Variants in ARID2 observed in about 807,000 individuals in gnomAD.
ARID2 encodes AT-rich interaction domain 2, also known as AT-rich interactive domain-containing protein 2.
ARID2 carries 32 observed loss-of-function variants against 184.6 expected under a neutral mutation model. The observed-to-expected ratio is 0.17, with a 90% confidence interval of 0.13 to 0.23. ARID2 has a LOEUF of 0.23. ARID2 is among the 10% of genes least tolerant of loss of function. The probability of loss-of-function intolerance (pLI) is 1.00; values close to 1 mark genes in which losing one functional copy is unlikely to be tolerated. For synonymous variants in ARID2, 836 were observed against 772.6 expected, an observed-to-expected ratio of 1.08 and a Z score of -1.36; for missense variants, 1,696 against 2,197.6, an observed-to-expected ratio of 0.77 and a Z score of 4.56.
intron 11 of ARID2, chr12:45,846,021 G>T (rs749273469): frequency 2.0e-5 from 3 of 152,020 alleles, no homozygotes; most frequent in Non-Finnish European, 4.4e-5. Flanking sequence ...AGAAGAAAAG[G>T]TAACATACAT....
At chr12:45,867,813 ACTC>A (rs1323639094) in intron 16 of ARID2, among the ~76,000 whole-genome samples, 1 of 151,104 alleles carries the variant, frequency 6.6e-6, no homozygotes, top group Non-Finnish European at 1.5e-5. Flanking sequence ...CTGGTCTTGA[ACTC>A]CTGGTCTCAA....
chr12:45,765,229 A>G (rs944995148), intron 3 of ARID2, among the ~76,000 whole-genome samples: 3 of 151,474 alleles, frequency 2.0e-5, no homozygotes, highest in African/African-American at 7.3e-5. Context: ...TTTTTTTGAG[A>G]CAAGGTCTCT....
chr12:45,814,993 T>G (rs1453305514), intron 4 of ARID2, among the ~76,000 whole-genome samples: 6 of 152,228 alleles, frequency 3.9e-5, no homozygotes, highest in African/African-American at 1.4e-4. Flanking sequence ...ATAATTGTTA[T>G]GTTTATCTTA....
rs188370399 is a variant in ARID2, at chr12:45,902,940, G to A, written c.5364-1994G>A. On this transcript the variant is annotated intron_variant, in intron 20 of 20. Coordinates refer to ENST00000334344, the MANE Select transcript of ARID2 (RefSeq NM_152641.4). ...AAAATCATAAAGATTTTATAAAACA[G>A]AAGTGTAAAGTTCAGTGAATTATCA... 2.0e-3 allele frequency among the ~76,000 whole-genome samples: 305 copies of A among 152,190 alleles called. 3 individuals are homozygous for A. The highest frequency in any genetic ancestry group is 6.8e-3 in the African/African-American group (284 of 41,518).
intron 16 of ARID2, among the ~76,000 whole-genome samples, chr12:45,866,102 A>G (rs1943828311): frequency 6.6e-6 from 1 of 152,030 alleles, no homozygotes; most frequent in African/African-American, 2.4e-5. Flanking sequence ...TTTAAACTAT[A>G]TATACTGATC....
chr12:45,856,992 G>A (rs1233298649), intron 15 of ARID2, among the ~76,000 whole-genome samples: 1 of 151,844 alleles, frequency 6.6e-6, no homozygotes, highest in African/African-American at 2.4e-5. Context: ...TTTGCTAAAT[G>A]GCATACTAAA....
rs2138165283 is a variant in ARID2, at chr12:45,850,805, G to A, written c.2682G>A (p.Gln894=). ...PSPQASRVGF[Q]NIAPKPLPSQ... ...CACAAGCCTCAAGGGTAGGGTTTCA[G>A]AACATTGCACCAAAACCTCTCCCTT... Residue 894 remains glutamine (Q), a synonymous_variant, in exon 15 of 21, where the codon CAG becomes CAA. Coordinates refer to ENST00000334344, the MANE Select transcript of ARID2 (RefSeq NM_152641.4). 6.2e-7 allele frequency: 1 copy of A among 1,614,100 alleles called. No homozygotes were observed. The highest frequency in any genetic ancestry group is 1.7e-5 in the Admixed American group (1 of 59,998).
intron 4 of ARID2, 35 bp downstream of exon 4, chr12:45,811,586 C>T (rs775400570): frequency 8.1e-6 from 13 of 1,599,648 alleles, no homozygotes; most frequent in Admixed American, 6.8e-5. Context: ...GATATATGTC[C>T]GCAGTTTTGA....
Position 45,852,740 on chromosome 12 carries a change from T to C in ARID2, c.4617T>C (p.Val1539=). The C allele has an allele frequency of 6.2e-7, 1 of 1,614,170 alleles. No individual in the cohort carries two copies. Among genetic ancestry groups the C allele is most frequent in the Non-Finnish European group, 8.5e-7 (1 of 1,180,006 alleles). ...CAAATAAAGTAGGAGTTAGAATTGT[T>C]ACAATCAGTGACCCCAACAATGCTG... ...GIPNKVGVRI[V]TISDPNNAGC... Residue 1539 remains valine, a synonymous_variant, in exon 15 of 21, where the codon GTT becomes GTC. Transcript: ENST00000334344.
At position 45,905,045 on chromosome 12, in the gene ARID2, G is replaced by A; in HGVS notation, c.5475G>A (p.Lys1825=). 6.2e-7 allele frequency: 1 copy of A among 1,613,650 alleles called. No individual in the cohort carries two copies. Among genetic ancestry groups the A allele is most frequent in the Admixed American group, 1.7e-5 (1 of 59,970 alleles). Residue 1825 remains lysine (K), a synonymous_variant, in exon 21 of 21, where the codon AAG becomes AAA. Transcript: ENST00000334344. ...AACTTAATTTTACAGTTCAGAGTAAGGAACAAGAAAAAGACTCAGAAATGC... is the reference window on the plus strand; with the variant it reads ...AACTTAATTTTACAGTTCAGAGTAAAGAACAAGAAAAAGACTCAGAAATGC... The part of the protein sequence containing the change: ...LYELNFTVQS[K]EQEKDSEMLQ
intron 16 of ARID2, among the ~76,000 whole-genome samples, chr12:45,890,682 G>C (rs1387551795): frequency 1.3e-5 from 2 of 151,966 alleles, no homozygotes; most frequent in South Asian, 2.1e-4. Context: ...TTCTGACATT[G>C]TGTTATATAA....
chr12:45,812,580 G>T (rs1942730423), intron 4 of ARID2, among the ~76,000 whole-genome samples: 1 of 152,094 alleles, frequency 6.6e-6, no homozygotes, highest in Admixed American at 6.5e-5. Context: ...TGTTTTTAAT[G>T]AATAGTTTTT....
rs371085240 is a variant in ARID2 at position 45,756,803 on chromosome 12, G to T, written c.284+25489G>T. On this transcript the variant is annotated intron_variant, in intron 3 of 20. Transcript: ENST00000334344. Reference sequence around the variant, plus strand: ...AGTCCTAGCTACTTGAGAGGCTGAGGTGGGAGGATCCCTGGAGCCTGGGAG... The same window carrying T: ...AGTCCTAGCTACTTGAGAGGCTGAGTTGGGAGGATCCCTGGAGCCTGGGAG... 2.3e-3 allele frequency among the ~76,000 whole-genome samples: 345 copies of T among 152,310 alleles called. 12 individuals carry two copies. In the South Asian group the frequency reaches 0.068, roughly 30 times the overall value.
chr12:45,899,310 A>G (rs1030935330), intron 20 of ARID2, among the ~76,000 whole-genome samples: 3 of 147,022 alleles, frequency 2.0e-5, no homozygotes, highest in Non-Finnish European at 4.5e-5. Flanking sequence ...AAGTGCTACA[A>G]AAGTTATAAC....
chr12:45,767,198 A>G (rs1280662296), intron 3 of ARID2, among the ~76,000 whole-genome samples: 18 of 152,110 alleles, frequency 1.2e-4, no homozygotes, highest in Non-Finnish European at 1.3e-4. Flanking sequence ...TCTTTGGTGA[A>G]GAGCCTGTTC....
intron 16 of ARID2, among the ~76,000 whole-genome samples, chr12:45,867,909 A>G (rs1003291391): frequency 1.3e-5 from 2 of 152,152 alleles, no homozygotes; most frequent in Non-Finnish European, 1.5e-5. Context: ...GGTTTTGACA[A>G]CTATTAATAT....
At chr12:45,733,052 T>G (rs1941032694) in intron 3 of ARID2, among the ~76,000 whole-genome samples, 1 of 152,200 alleles carries the variant, frequency 6.6e-6, no homozygotes, top group South Asian at 2.1e-4. Flanking sequence ...CTTTTTGCTC[T>G]TATTAGAAGC....
intron 3 of ARID2, among the ~76,000 whole-genome samples, chr12:45,762,883 C>A (rs1020525517): frequency 6.6e-6 from 1 of 152,150 alleles, no homozygotes; most frequent in Non-Finnish European, 1.5e-5. Flanking sequence ...CTGTCTCTTT[C>A]CTCATGCATC....
Position 45,905,276 on chromosome 12 carries a change from G to C in ARID2, c.*198G>C. ...TTCTCTGTTTAAAAAAATCTAAAAAGAAAAAGGAAAAAAAAAAAAGAACTG... is the reference window on the plus strand; with the variant it reads ...TTCTCTGTTTAAAAAAATCTAAAAACAAAAAGGAAAAAAAAAAAAGAACTG... On this transcript the variant is annotated 3_prime_UTR_variant, in exon 21 of 21. Coordinates refer to ENST00000334344, the MANE Select transcript of ARID2 (RefSeq NM_152641.4). 37 of 391,044 alleles carry C rather than the reference G, an allele frequency of 9.5e-5. No individual in the cohort carries two copies. Among genetic ancestry groups the C allele is most frequent in the East Asian group, 1.2e-4 (3 of 24,008 alleles). 24.2% of individuals were successfully genotyped at this position (391,044 alleles called of 1,614,324 possible). A position where few individuals can be genotyped will look rare whatever the true frequency, so the allele number is the denominator to read the frequency against.
Sources: allele counts gnomAD v4.1 joint callset (sites outside exome capture counted in the v4.1 genomes callset), GRCh38; gene constraint gnomAD v4.1.1; transcripts MANE v1.5; gene names NCBI Gene and HGNC (gene_info 2026-07-23, HGNC 2026-07-21).